PLXDC2: variants seen among roughly 807,000 people sequenced by gnomAD.
PLXDC2 encodes the protein plexin domain-containing protein 2.
PLXDC2 carries 40 observed loss-of-function variants against 68.9 expected under a neutral mutation model. The observed-to-expected ratio is 0.58, with a 90% CI of 0.45 to 0.76. The LOEUF is 0.76. Ranked by LOEUF, PLXDC2 falls within the 30% of genes least tolerant of loss-of-function variation. The probability of loss-of-function intolerance (pLI) is 0.00; values close to 1 mark genes in which losing one functional copy is unlikely to be tolerated. For missense variants in PLXDC2, 644 were observed against 661.9 expected, an observed-to-expected ratio of 0.97 and a Z score of 0.30; for synonymous variants, 243 against 234.2, an observed-to-expected ratio of 1.04 and a Z score of -0.34.
intron 1 of PLXDC2, among the ~76,000 whole-genome samples, chr10:19,833,616 C>T (rs923103405): frequency 5.3e-5 from 8 of 152,258 alleles, no homozygotes; most frequent in South Asian, 2.1e-4. Flanking sequence ...GAAATTCTGC[C>T]GCGTCATCTA....
chr10:20,032,744 C>T (rs900989170), intron 2 of PLXDC2, among the ~76,000 whole-genome samples: 1 of 151,828 alleles, frequency 6.6e-6, no homozygotes, highest in Admixed American at 6.6e-5. Flanking sequence ...GAAGCTACTC[C>T]ATATGTCTCA....
At chr10:20,009,931 G>A (rs556720930) in intron 2 of PLXDC2, among the ~76,000 whole-genome samples, 1 of 152,122 alleles carries the variant, frequency 6.6e-6, no homozygotes, top group African/African-American at 2.4e-5. Flanking sequence ...AAATCTAGGA[G>A]TGAAAAGATG....
At chr10:19,899,837 A>AT (rs1838128453) in intron 1 of PLXDC2, among the ~76,000 whole-genome samples, 1 of 152,122 alleles carries the variant, frequency 6.6e-6, no homozygotes, top group Non-Finnish European at 1.5e-5. Flanking sequence ...TAATTTGAGT[A>AT]TTTTTTATTA....
intron 1 of PLXDC2, among the ~76,000 whole-genome samples, chr10:19,911,456 A>G (rs1034420881): frequency 9.2e-5 from 14 of 152,146 alleles, no homozygotes; most frequent in African/African-American, 2.4e-4. Context: ...CTGTTTTGCC[A>G]TATAAAATTT....
chr10:20,179,587 ATGAAGGT>A (rs1834574677), intron 9 of PLXDC2, among the ~76,000 whole-genome samples: 2 of 152,148 alleles, frequency 1.3e-5, no homozygotes, highest in Admixed American at 1.3e-4. Context: ...TTTATGGTAA[ATGAAGGT>A]TTTGAAGGTT....
At chr10:20,059,548 C>A (rs1243726378) in intron 3 of PLXDC2, among the ~76,000 whole-genome samples, 1 of 152,134 alleles carries the variant, frequency 6.6e-6, no homozygotes, top group African/African-American at 2.4e-5. Context: ...CTAAGTTCTG[C>A]TATGAAAAAA....
rs6482073 is a variant in PLXDC2 at position 19,982,981 on chromosome 10, T to C, written c.113-18794T>C. On this transcript the variant is annotated intron_variant, in intron 1 of 13. Transcript: ENST00000377252. Reference sequence around the variant, plus strand: ...AAAATTTCATTTTAGTACTTCATCATAGTCTCCAAATAATCATCTATTATC... The same window carrying C: ...AAAATTTCATTTTAGTACTTCATCACAGTCTCCAAATAATCATCTATTATC... Among the ~76,000 whole-genome samples, 1,225 of 152,316 alleles carry C rather than the reference T, an allele frequency of 8.0e-3. 22 individuals carry two copies. Among genetic ancestry groups the C allele is most frequent in the African/African-American group, 0.028 (1,161 of 41,572 alleles).
intron 1 of PLXDC2, among the ~76,000 whole-genome samples, chr10:19,870,877 T>C (rs1035634315): frequency 1.3e-5 from 2 of 152,238 alleles, no homozygotes; most frequent in African/African-American, 4.8e-5. Context: ...GTTATGTGCT[T>C]ACATGCATGA....
intron 4 of PLXDC2, among the ~76,000 whole-genome samples, chr10:20,091,218 A>G (rs1044623836): frequency 6.6e-6 from 1 of 152,114 alleles, no homozygotes; most frequent in Non-Finnish European, 1.5e-5. Context: ...ACTGAATTTA[A>G]TATCACACTC....
At position 20,145,932 on chromosome 10, in the gene PLXDC2, T is replaced by TTA. The variant is rs1301459855; in HGVS notation, c.665-1847_665-1846dup. The stretch of plus-strand genomic sequence containing the variant: ...CAGAATTGGCATTAAAAACTTTAAT[T>TTA]TATATAGCCCTCTTATTTTCATAAA... On this transcript the variant is annotated intron_variant, in intron 5 of 13. Transcript: ENST00000377252. Among the ~76,000 whole-genome samples the TTA allele has an allele frequency of 2.0e-5, 3 of 152,280 alleles. No individual in the cohort carries two copies. In the East Asian group the frequency reaches 5.8e-4, roughly 29 times the overall value.
At chr10:20,152,270 A>G (rs963144220) in intron 6 of PLXDC2, among the ~76,000 whole-genome samples, 2 of 152,288 alleles carry the variant, frequency 1.3e-5, no homozygotes, top group South Asian at 4.1e-4. Flanking sequence ...GCTGCTTAAA[A>G]TAAGAATGAA....
chr10:19,867,061 C>CCT (rs563114503), intron 1 of PLXDC2, among the ~76,000 whole-genome samples: 6,057 of 133,876 alleles, frequency 0.045, 164 homozygotes, highest in Middle Eastern at 0.12. Flanking sequence ...TCCTCCTTTC[C>CCT]CTCTTTTTTT....
At chr10:20,066,033 G>GT (rs753566693) in intron 3 of PLXDC2, among the ~76,000 whole-genome samples, 32 of 152,238 alleles carry the variant, frequency 2.1e-4, no homozygotes, top group Admixed American at 7.8e-4. Context: ...TTGGAGAAGA[G>GT]TATCAGTAGC....
chr10:20,179,830 T>C (rs1007893473), intron 9 of PLXDC2, among the ~76,000 whole-genome samples: 1 of 152,022 alleles, frequency 6.6e-6, no homozygotes, highest in African/African-American at 2.4e-5. Flanking sequence ...TGAAGGAAAC[T>C]GAAATTTTTA....
rs138088397 is a variant in PLXDC2 at position 20,207,274 on chromosome 10, C to T, written c.1062-4395C>T. 7.0e-3 allele frequency among the ~76,000 whole-genome samples: 1,063 copies of T among 152,128 alleles called. 16 individuals carry two copies. The highest frequency in any genetic ancestry group is 0.025 in the African/African-American group (1,027 of 41,528). ...ATTTTCAGTAAAACTTAATTTCACA[C>T]AACATAATTGGGGGATTAATTAATA... On this transcript the variant is annotated intron_variant, in intron 9 of 13. Coordinates refer to ENST00000377252, the MANE Select transcript of PLXDC2 (RefSeq NM_032812.9).
chr10:19,890,954 C>A (rs1245687901), intron 1 of PLXDC2, among the ~76,000 whole-genome samples: 2 of 151,958 alleles, frequency 1.3e-5, no homozygotes, highest in South Asian at 2.1e-4. Context: ...AAATTCTTGT[C>A]CCACTCCTTG....
At chr10:20,185,293 G>A (rs1390390364) in intron 9 of PLXDC2, among the ~76,000 whole-genome samples, 4 of 151,866 alleles carry the variant, frequency 2.6e-5, no homozygotes, top group African/African-American at 9.7e-5. Context: ...GAAAAACTGG[G>A]TGTATTAAGA....
At chr10:19,935,900 C>T (rs542742455) in intron 1 of PLXDC2, among the ~76,000 whole-genome samples, 5 of 152,296 alleles carry the variant, frequency 3.3e-5, no homozygotes, top group African/African-American at 1.2e-4. Context: ...CTCATCCATC[C>T]AATAGCTAGA....
At chr10:19,955,074 AT>A (rs750051734) in intron 1 of PLXDC2, among the ~76,000 whole-genome samples, 5,759 of 99,218 alleles carry the variant, frequency 0.058, 120 homozygotes, top group Middle Eastern at 0.14. Context: ...CCTTTCACTG[AT>A]TTTTTTTTTT....
Sources: allele counts gnomAD v4.1 joint callset (sites outside exome capture counted in the v4.1 genomes callset), GRCh38; gene constraint gnomAD v4.1.1; transcripts MANE v1.5; gene names NCBI Gene and HGNC (gene_info 2026-07-23, HGNC 2026-07-21).